STAG1: variants seen among roughly 807,000 people sequenced by gnomAD.
STAG1 encodes cohesin subunit SA-1.
In STAG1, 26 loss-of-function variants were observed where a neutral mutation model predicts 170.9. That is an observed-to-expected ratio of 0.15 (90% CI 0.11 to 0.21). STAG1 has a LOEUF of 0.21. Among genes scored for constraint, STAG1 ranks in the 10% least tolerant of loss-of-function variants. STAG1 has a pLI of 1.00. For missense variants in STAG1, 964 were observed against 1,509.5 expected, an observed-to-expected ratio of 0.64 and a Z score of 5.99; for synonymous variants, 514 against 497.7, an observed-to-expected ratio of 1.03 and a Z score of -0.44.
intron 21 of STAG1, 26 bp from the exon 22 acceptor site, chr3:136,398,855 T>C: frequency 6.8e-7 from 1 of 1,476,494 alleles, no homozygotes; most frequent in Non-Finnish European, 9.1e-7. Flanking sequence ...AAAAATTTTT[T>C]TAATGAAAAA....
At chr3:136,463,887 TTATATATACA>T (rs2089365025) in intron 13 of STAG1, among the ~76,000 whole-genome samples, 3 of 143,654 alleles carry the variant, frequency 2.1e-5, no homozygotes, top group Admixed American at 6.9e-5. Context: ...ACATATATAC[TTATATATACA>T]TATATACTTA....
Position 136,438,245 on chromosome 3 carries a change from T to C in STAG1, c.1547-4586A>G, listed in dbSNP as rs116293493. 8.0e-3 allele frequency among the ~76,000 whole-genome samples: 1,199 copies of C among 149,270 alleles called. 19 individuals are homozygous for C. Among genetic ancestry groups the C allele is most frequent in the African/African-American group, 0.028 (1,139 of 41,128 alleles). On this transcript the variant is annotated intron_variant, in intron 15 of 33. Coordinates refer to ENST00000383202, the MANE Select transcript of STAG1 (RefSeq NM_005862.3). ...CTTATCGTTTAGTTTCTTTTCTTTT[T>C]TTTTTTTTTTTTGAGATGGAGTCTC...
intron 9 of STAG1, among the ~76,000 whole-genome samples, chr3:136,493,120 T>C (rs968795919): frequency 2.0e-5 from 3 of 152,154 alleles, no homozygotes; most frequent in Non-Finnish European, 2.9e-5. Flanking sequence ...GGGTGGTAAA[T>C]GGCTTGAGCC....
intron 3 of STAG1, among the ~76,000 whole-genome samples, chr3:136,613,219 G>A (rs1013738415): frequency 4.2e-5 from 6 of 144,410 alleles, no homozygotes; most frequent in South Asian, 2.2e-4. Context: ...GCAGGAGAAC[G>A]GTGTGAACCC....
intron 1 of STAG1, among the ~76,000 whole-genome samples, chr3:136,716,629 A>G (rs1398441782): frequency 2.0e-5 from 3 of 152,214 alleles, no homozygotes; most frequent in African/African-American, 7.2e-5. Context: ...CGGGACAACT[A>G]AAGTGAGACC....
intron 21 of STAG1, among the ~76,000 whole-genome samples, chr3:136,400,737 T>C (rs554530859): frequency 6.6e-6 from 1 of 152,212 alleles, no homozygotes; most frequent in Non-Finnish European, 1.5e-5. Context: ...GGCTTCACCA[T>C]GTTGGCCACG....
intron 1 of STAG1, among the ~76,000 whole-genome samples, chr3:136,704,824 A>C (rs1162791540): frequency 9.8e-5 from 14 of 143,054 alleles, no homozygotes; most frequent in African/African-American, 3.8e-4. Context: ...CCTGTCTCAA[A>C]AAAAAAAAAA....
Position 136,476,373 on chromosome 3 carries a change from A to G in STAG1, c.1026+916T>C, listed in dbSNP as rs547254320. On this transcript the variant is annotated intron_variant, in intron 10 of 33. Coordinates refer to ENST00000383202, the MANE Select transcript of STAG1 (RefSeq NM_005862.3). ...AAAGCTTCTCCTGACCATCATAGTC[A>G]AGGGGGGTGGGAACACAATAATTGC... Among the ~76,000 whole-genome samples the G allele has an allele frequency of 9.2e-5, 14 of 152,330 alleles. No individual in the cohort carries two copies. In the East Asian group the frequency reaches 2.7e-3, roughly 29 times the overall value.
At chr3:136,375,554 AAG>A (rs1238343547) in intron 23 of STAG1, among the ~76,000 whole-genome samples, 3 of 152,188 alleles carry the variant, frequency 2.0e-5, no homozygotes, top group Non-Finnish European at 4.4e-5. Flanking sequence ...GGTATTTAGA[AAG>A]AGCCATTTGA....
At chr3:136,511,410 TG>T (rs1251400528) in intron 7 of STAG1, among the ~76,000 whole-genome samples, 14 of 152,198 alleles carry the variant, frequency 9.2e-5, no homozygotes, top group Admixed American at 8.5e-4. Context: ...TGCCCAGCAA[TG>T]GTAGACTGGT....
intron 5 of STAG1, among the ~76,000 whole-genome samples, chr3:136,553,391 TG>T (rs1936484668): frequency 6.6e-6 from 1 of 152,120 alleles, no homozygotes; most frequent in African/African-American, 2.4e-5. Flanking sequence ...TTAGAATGAA[TG>T]AAAAACAATA....
At chr3:136,359,636 TCTCACGCGTCAGC>T (rs1284257365) in intron 26 of STAG1, among the ~76,000 whole-genome samples, 1 of 152,148 alleles carries the variant, frequency 6.6e-6, no homozygotes. Flanking sequence ...TTAAAGGAAT[TCTCACGCGTCAGC>T]CTCCTGAGTA....
intron 1 of STAG1, chr3:136,721,533 T>G (rs1037033528): frequency 6.6e-6 from 1 of 152,184 alleles, no homozygotes; most frequent in African/African-American, 2.4e-5. Context: ...TGAAATAAAT[T>G]GCTTACAGAT....
At chr3:136,624,837 C>G (rs1193629727) in intron 2 of STAG1, among the ~76,000 whole-genome samples, 1 of 152,100 alleles carries the variant, frequency 6.6e-6, no homozygotes, top group Admixed American at 6.5e-5. Context: ...AACAGTAGTA[C>G]AGCATTAAAA....
chr3:136,490,931 T>G (rs1559837236), intron 9 of STAG1, among the ~76,000 whole-genome samples: 1 of 152,220 alleles, frequency 6.6e-6, no homozygotes. Context: ...AATAACAATC[T>G]TTCTGGTTGC....
intron 4 of STAG1, among the ~76,000 whole-genome samples, chr3:136,580,061 A>G (rs1335855189): frequency 7.1e-6 from 1 of 140,518 alleles, no homozygotes; most frequent in Non-Finnish European, 1.5e-5. Flanking sequence ...TCCACCTCCA[A>G]GGTTCAAGCA....
chr3:136,432,340 T>C (rs1465812821), intron 16 of STAG1, among the ~76,000 whole-genome samples: 2 of 152,198 alleles, frequency 1.3e-5, no homozygotes, highest in South Asian at 2.1e-4. Flanking sequence ...TCTGAAGTCT[T>C]TGCCTGCTAA....
chr3:136,730,424 C>A (rs1258355161), intron 1 of STAG1, among the ~76,000 whole-genome samples: 1 of 152,134 alleles, frequency 6.6e-6, no homozygotes, highest in Non-Finnish European at 1.5e-5. Flanking sequence ...CTGGACTCAA[C>A]CACTTTCCAG....
At chr3:136,712,019 TTTTG>T (rs537173755) in intron 1 of STAG1, among the ~76,000 whole-genome samples, 40 of 152,270 alleles carry the variant, frequency 2.6e-4, no homozygotes, top group African/African-American at 7.0e-4. Flanking sequence ...AGATAACTTT[TTTTG>T]TTTGTTTGTT....
Sources: allele counts gnomAD v4.1 joint callset (sites outside exome capture counted in the v4.1 genomes callset), GRCh38; gene constraint gnomAD v4.1.1; transcripts MANE v1.5; gene names NCBI Gene and HGNC (gene_info 2026-07-23, HGNC 2026-07-21).